SHISA7: variants seen among roughly 807,000 people sequenced by gnomAD.
The protein encoded by SHISA7 is protein shisa-7.
SHISA7 carries 6 observed loss-of-function variants against 23.9 expected under a neutral mutation model. The ratio of observed to expected loss-of-function variants is 0.25; its 90% CI spans 0.14 to 0.50. SHISA7 has a LOEUF of 0.50. Ranked by LOEUF, SHISA7 falls within the 20% of genes least tolerant of loss-of-function variation. The pLI is 0.98. For missense variants in SHISA7, 671 were observed against 801.1 expected, an observed-to-expected ratio of 0.84 and a Z score of 1.96; for synonymous variants, 386 against 398.3, an observed-to-expected ratio of 0.97 and a Z score of 0.37.
chr19:55,441,578 C>T (rs1243241980), intron 1 of SHISA7, among the ~76,000 whole-genome samples: 1 of 152,210 alleles, frequency 6.6e-6, no homozygotes, highest in Non-Finnish European at 1.5e-5. Flanking sequence ...GTTCAGAGGC[C>T]TTTTCGGATC....
chr19:55,440,314 T>A (rs1568452770), intron 2 of SHISA7, among the ~76,000 whole-genome samples: 1 of 152,158 alleles, frequency 6.6e-6, no homozygotes, highest in Non-Finnish European at 1.5e-5. Context: ...TAGTTGGCTG[T>A]TAGGTGGTCT....
rs1055572780 is a variant in SHISA7, at chr19:55,443,184, G to C, written c.-321C>G. On this transcript the variant is annotated 5_prime_UTR_variant, in exon 1 of 4. Coordinates refer to ENST00000376325, the MANE Select transcript of SHISA7 (RefSeq NM_001145176.2). Reference sequence around the variant, plus strand: ...CATGGGCGGACAGAACCGGGATCAGGCGAGAGATGAATGCGGGAGAAGCGA... The same window carrying C: ...CATGGGCGGACAGAACCGGGATCAGCCGAGAGATGAATGCGGGAGAAGCGA... Among the ~76,000 whole-genome samples, 10 of 151,642 alleles carry C rather than the reference G, an allele frequency of 6.6e-5. No individual in the cohort carries two copies. The highest frequency in any genetic ancestry group is 2.4e-4 in the African/African-American group (10 of 41,220).
rs1985633902 is a variant in SHISA7 at position 55,443,117 on chromosome 19, T to G, written c.-254A>C. On this transcript the variant is annotated 5_prime_UTR_variant, in exon 1 of 4. Transcript: ENST00000376325. The stretch of plus-strand genomic sequence containing the variant: ...CGCGCGGTGGGCGACGATGGGAGAG[T>G]AATGGAAACGCGCCCGGGCACGGCT... Among the ~76,000 whole-genome samples, 1 of 143,216 alleles carries G rather than the reference T, an allele frequency of 7.0e-6. No individual in the cohort carries two copies. The allele number at this position is 143,216 out of a possible 152,430, so 94.0% of individuals were successfully genotyped here. A position where few individuals can be genotyped will look rare whatever the true frequency, so the allele number is the denominator to read the frequency against.
At chr19:55,438,438 T>C in intron 2 of SHISA7, 3 of 852,552 alleles carry the variant, frequency 3.5e-6, no homozygotes, top group Non-Finnish European at 5.0e-6. Flanking sequence ...ATGAGCGCCA[T>C]GAGGACTGGG....
Position 55,433,112 on chromosome 19 carries a change from CG to C in SHISA7, c.*43del. The C allele has an allele frequency of 2.0e-6, 3 of 1,489,490 alleles. No homozygotes were observed. The highest frequency in any genetic ancestry group is 1.3e-5 in the South Asian group (1 of 79,016). 92.3% of individuals were successfully genotyped at this position (1,489,490 alleles called of 1,614,324 possible). On this transcript the variant is annotated 3_prime_UTR_variant, in exon 4 of 4. Transcript: ENST00000376325. This position sits in a 1 kb window ranked among gnomAD's most constrained non-coding sequence, Gnocchi z 8.4. ...CTGTGTCGGGGGATCCAGGCTGGGA[CG>C]GGGGGCCCGGGAGGCCGCAGCCCCC...
chr19:55,439,230 A>G (rs1178350592), intron 2 of SHISA7, among the ~76,000 whole-genome samples: 3 of 152,208 alleles, frequency 2.0e-5, no homozygotes, highest in African/African-American at 7.2e-5. Context: ...CAGTGAGCCC[A>G]GCGTGGTCCT....
chr19:55,442,790 G>A lies in SHISA7; in HGVS notation c.74C>T (p.Thr25Met). ...CAGCGGGCCCGCGGGCTCGGCGCTC[G>A]TGGCGTTGGACGGGCGCGCCCTGGC... Reference protein sequence around the residue: ...GQARARPSNATSAEPAGPLPA... With the variant: ...GQARARPSNAMSAEPAGPLPA... The change falls in exon 1 of 4, where the codon ACG (threonine) becomes ATG (methionine). Residue 25 changes from threonine (T) to methionine (M), a missense_variant. By Grantham distance (81) the Thr-to-Met change is moderately conservative. This residue lies in a region of SHISA7 where 96 missense variants were observed against 113.1 expected (regional missense o/e 0.85). Transcript: ENST00000376325. The A allele has an allele frequency of 3.1e-6, 4 of 1,281,194 alleles. No individual in the cohort carries two copies. The highest frequency in any genetic ancestry group is 3.0e-6 in the Non-Finnish European group (3 of 1,014,758). The allele number at this position is 1,281,194 out of a possible 1,614,324, so 79.4% of individuals were successfully genotyped here. A position where few individuals can be genotyped will look rare whatever the true frequency, so the allele number is the denominator to read the frequency against.
At position 55,440,710 on chromosome 19, in the gene SHISA7, C is replaced by T. The variant is rs1417668468; in HGVS notation, c.727G>A (p.Ala243Thr). 1.6e-6 allele frequency: 2 copies of T among 1,248,756 alleles called. No homozygotes were observed. The highest frequency in any genetic ancestry group is 3.2e-5 in the East Asian group (1 of 31,724). 77.4% of individuals were successfully genotyped at this position (1,248,756 alleles called of 1,614,324 possible). A position where few individuals can be genotyped will look rare whatever the true frequency, so the allele number is the denominator to read the frequency against. Reference sequence around the variant, plus strand: ...CCCGGGGTCAGGGAGCTGCTTCGGGCCCGGTCCGGGCGGGTCCCAGGCCCC... The same window carrying T: ...CCCGGGGTCAGGGAGCTGCTTCGGGTCCGGTCCGGGCGGGTCCCAGGCCCC... ...QAGPGTRPDR[A>T]RSSSLTPGIG... The change falls in exon 2 of 4, where the codon GCC becomes ACC. Residue 243 changes from alanine (A) to threonine (T), a missense_variant. Around this residue, in one of 5 missense-constraint regions of SHISA7, gnomAD observed 457 missense variants for 488.3 expected, o/e 0.94. Coordinates refer to ENST00000376325, the MANE Select transcript of SHISA7 (RefSeq NM_001145176.2).
At chr19:55,438,703 A>G in intron 2 of SHISA7, 1 of 1,209,534 alleles carries the variant, frequency 8.3e-7, no homozygotes, top group Non-Finnish European at 1.1e-6. Flanking sequence ...GATCTCTGGG[A>G]AGGACTCTGG....
chr19:55,434,771 G>GTGGT (rs1370373488), intron 3 of SHISA7, among the ~76,000 whole-genome samples: 3 of 107,476 alleles, frequency 2.8e-5, no homozygotes, highest in African/African-American at 3.6e-5. Context: ...TGTGGTGTGT[G>GTGGT]GTGTGTGTAT....
In SHISA7 at chr19:55,434,563, GGT is replaced by G. The variant is rs1161171507; in HGVS notation, c.977-769_977-768del. ...GTGGTTGTGTGTGTATGGTGTGTGT[GGT>G]GTGTGTGTATGGTGTGTGTGTGGTG... On this transcript the variant is annotated intron_variant, in intron 3 of 3. Transcript: ENST00000376325. Among the ~76,000 whole-genome samples, 59 of 130,938 alleles carry G rather than the reference GGT, an allele frequency of 4.5e-4. 2 individuals are homozygous for G. The highest frequency in any genetic ancestry group is 1.2e-3 in the African/African-American group (42 of 34,674). The allele number at this position is 130,938 out of a possible 152,430, so 85.9% of individuals were successfully genotyped here. A position where few individuals can be genotyped will look rare whatever the true frequency, so the allele number is the denominator to read the frequency against.
Position 55,440,758 on chromosome 19 carries a change from C to A in SHISA7, c.679G>T (p.Val227Leu). 1 of 1,243,604 alleles carries A rather than the reference C, an allele frequency of 8.0e-7. No homozygotes were observed. Among genetic ancestry groups the A allele is most frequent in the Non-Finnish European group, 1.0e-6 (1 of 988,182 alleles). The allele number at this position is 1,243,604 out of a possible 1,614,324, so 77.0% of individuals were successfully genotyped here. The change falls in exon 2 of 4, where the codon GTG becomes TTG. Residue 227 changes from valine (V) to leucine (L), a missense_variant. Val to Leu is a conservative substitution (Grantham distance 32). Transcript: ENST00000376325. ...CCCGCCTGATGTCTCAGAATGTCCA[C>A]CAGAGCTCTAAAGGTGGCAGAGAGG... The part of the protein sequence containing the change: ...HRDINVPRAL[V>L]DILRHQAGPG...
At position 55,432,212 on chromosome 19, in the gene SHISA7, C is replaced by T. The variant is rs967722616; in HGVS notation, c.*944G>A. The T allele has an allele frequency of 2.6e-5, 4 of 152,802 alleles. No individual in the cohort carries two copies. Among genetic ancestry groups the T allele is most frequent in the African/African-American group, 9.6e-5 (4 of 41,462 alleles). 9.5% of individuals were successfully genotyped at this position (152,802 alleles called of 1,614,324 possible). A position where few individuals can be genotyped will look rare whatever the true frequency, so the allele number is the denominator to read the frequency against. ...TCAGGACAGGGCCCCTCTCTGCTCT[C>T]TGGCATCTTCCCTGGGGTGGTCCTG... On this transcript the variant is annotated 3_prime_UTR_variant, in exon 4 of 4. Transcript: ENST00000376325. The surrounding 1 kb of genome is among the most constrained non-coding windows in gnomAD (Gnocchi z 4.6).
In SHISA7 at chr19:55,442,724, A is replaced by G; in HGVS notation, c.140T>C (p.Leu47Pro). The G allele has an allele frequency of 9.7e-7, 1 of 1,033,758 alleles. No homozygotes were observed. Among genetic ancestry groups the G allele is most frequent in the Non-Finnish European group, 1.2e-6 (1 of 863,300 alleles). 64.0% of individuals were successfully genotyped at this position (1,033,758 alleles called of 1,614,324 possible). A position where few individuals can be genotyped will look rare whatever the true frequency, so the allele number is the denominator to read the frequency against. The change falls in exon 1 of 4, where the codon CTG becomes CCG. Residue 47 changes from leucine (L) to proline (P), a missense_variant. Physicochemically the swap from Leu to Pro is moderately conservative, Grantham distance 98. Coordinates refer to ENST00000376325, the MANE Select transcript of SHISA7 (RefSeq NM_001145176.2). ...LAHLRRLTGALTGGGGAASPG... is the reference protein window; with the variant it reads ...LAHLRRLTGAPTGGGGAASPG... Reference sequence around the variant, plus strand: ...GCTCGCCGCGCCCCCGCCGCCCGTCAGCGCCCCGGTCAGGCGCCGCAGGTG... The same window carrying G: ...GCTCGCCGCGCCCCCGCCGCCCGTCGGCGCCCCGGTCAGGCGCCGCAGGTG...
chr19:55,434,271 T>G (rs531595848), intron 3 of SHISA7, among the ~76,000 whole-genome samples: 9 of 151,624 alleles, frequency 5.9e-5, no homozygotes, highest in Admixed American at 4.0e-4. Flanking sequence ...CGCGTGTGTG[T>G]GTGTGTGGTG....
At chr19:55,438,201 T>C (rs936784442) in intron 2 of SHISA7, among the ~76,000 whole-genome samples, 3 of 152,136 alleles carry the variant, frequency 2.0e-5, no homozygotes, top group African/African-American at 2.4e-5. Context: ...AAATCTGAGA[T>C]TGTAGCCCAT....
intron 3 of SHISA7, among the ~76,000 whole-genome samples, chr19:55,434,099 A>C (rs2123345069): frequency 6.6e-6 from 1 of 152,258 alleles, no homozygotes; most frequent in East Asian, 1.9e-4. Flanking sequence ...TGTGATTCAC[A>C]CTTGGAGTTG....
intron 3 of SHISA7, among the ~76,000 whole-genome samples, chr19:55,436,582 G>A (rs1213019652): frequency 6.7e-6 from 1 of 148,372 alleles, no homozygotes; most frequent in African/African-American, 2.5e-5. Context: ...CAGCCTGAGC[G>A]ACAAGAGTGA....
intron 3 of SHISA7, among the ~76,000 whole-genome samples, chr19:55,437,394 G>T (rs914450822): frequency 1.3e-5 from 2 of 152,106 alleles, no homozygotes; most frequent in Admixed American, 6.5e-5. Context: ...AATATGTCCT[G>T]GGAGGGGAGA....
Sources: allele counts gnomAD v4.1 joint callset (sites outside exome capture counted in the v4.1 genomes callset), GRCh38; gene constraint gnomAD v4.1.1; regional missense constraint gnomAD v4.1.1; non-coding constraint Gnocchi (gnomAD v3.1); transcripts MANE v1.5; gene names NCBI Gene and HGNC (gene_info 2026-07-23, HGNC 2026-07-21).